Variants in SMYD4 observed in about 807,000 individuals in gnomAD.
The protein encoded by SMYD4 is SET and MYND domain containing 4, also known as protein-lysine N-methyltransferase SMYD4.
Under a neutral mutation model 72.8 loss-of-function variants are expected in SMYD4, and 68 were observed. The ratio of observed to expected loss-of-function variants is 0.93; its 90% CI spans 0.77 to 1.14. The LOEUF is 1.14. SMYD4 is among the 50% of genes most tolerant of loss of function. SMYD4 has a pLI of 0.00. For missense variants in SMYD4, 984 were observed against 1,003.7 expected (o/e 0.98, Z 0.27); for synonymous variants, 407 against 388.6 (o/e 1.05, Z -0.56).
At position 1,807,142 on chromosome 17, in the gene SMYD4, G is replaced by A. The variant is rs540935532; in HGVS notation, c.280-2427C>T. On this transcript the variant is annotated intron_variant, in intron 3 of 10. Transcript: ENST00000305513. ...TGACCTCAGGTGATCCACCCGTCTC[G>A]GTCTCCCAAAGTGCTGGGATTACAG... 1.4e-3 allele frequency among the ~76,000 whole-genome samples: 209 copies of A among 151,870 alleles called. 2 individuals are homozygous for A. The highest frequency in any genetic ancestry group is 4.7e-3 in the African/African-American group (196 of 41,394).
chr17:1,793,392 G>C (rs1243026799), intron 5 of SMYD4, among the ~76,000 whole-genome samples: 2 of 151,628 alleles, frequency 1.3e-5, no homozygotes, highest in Admixed American at 6.6e-5. Context: ...GCTCAGCTGA[G>C]TATTTTTTTT....
At chr17:1,794,013 ATATATATGTGTG>A (rs1909212496) in intron 5 of SMYD4, among the ~76,000 whole-genome samples, 2 of 101,004 alleles carry the variant, frequency 2.0e-5, no homozygotes, top group Admixed American at 1.0e-4. Flanking sequence ...ATATGTATAT[ATATATATGTGTG>A]TATATATATA....
chr17:1,784,555 C>T, intron 7 of SMYD4, 94 bp from the exon 8 acceptor site: 1 of 1,541,230 alleles, frequency 6.5e-7, no homozygotes, highest in African/African-American at 1.4e-5. Context: ...AGTTTCTTAC[C>T]TCATGGGGGA....
chr17:1,801,478 G>C (rs967449630), intron 4 of SMYD4, among the ~76,000 whole-genome samples: 3 of 151,428 alleles, frequency 2.0e-5, no homozygotes, highest in African/African-American at 7.3e-5. Flanking sequence ...CTGACCTCAT[G>C]ATACGCCCGC....
intron 3 of SMYD4, among the ~76,000 whole-genome samples, chr17:1,805,263 A>G (rs1909975777): frequency 6.6e-6 from 1 of 151,198 alleles, no homozygotes; most frequent in Non-Finnish European, 1.5e-5. Context: ...CTAAAAATAC[A>G]AAAAAATAGC....
intron 2 of SMYD4, among the ~76,000 whole-genome samples, chr17:1,825,953 G>GAAATTC (rs1911146798): frequency 6.6e-6 from 1 of 151,732 alleles, no homozygotes; most frequent in Non-Finnish European, 1.5e-5. Context: ...AATTTTAAAT[G>GAAATTC]AAATTTAAAA....
rs545056377 is a variant in SMYD4, at chr17:1,786,950, C to T, written c.1744G>A (p.Val582Ile). Residue 582 changes from valine (V) to isoleucine (I), a missense_variant, in exon 7 of 11, where the codon GTT (valine) becomes ATT (isoleucine). Physicochemically the swap from Val to Ile is conservative, Grantham distance 29. Coordinates refer to ENST00000305513, the MANE Select transcript of SMYD4 (RefSeq NM_052928.3). Reference sequence around the variant, plus strand: ...CTCAGCTTCTGCTGCCTTTCGGCAACCCCCATCCGGCTCTTGTGAGGCCCT... The same window carrying T: ...CTCAGCTTCTGCTGCCTTTCGGCAATCCCCATCCGGCTCTTGTGAGGCCCT... ...CYGPHKSRMG[V>I]AERQQKLRSQ... The T allele has an allele frequency of 1.2e-6, 2 of 1,613,946 alleles. No individual in the cohort carries two copies. Among genetic ancestry groups the T allele is most frequent in the South Asian group, 1.1e-5 (1 of 91,064 alleles).
intron 5 of SMYD4, among the ~76,000 whole-genome samples, chr17:1,798,929 A>G (rs1909551197): frequency 6.6e-6 from 1 of 151,626 alleles, no homozygotes; most frequent in Non-Finnish European, 1.5e-5. Context: ...GTAAAATAAA[A>G]AATAAATTTT....
chr17:1,807,420 C>G (rs555065084), intron 3 of SMYD4, among the ~76,000 whole-genome samples: 6 of 151,692 alleles, frequency 4.0e-5, no homozygotes, highest in South Asian at 2.1e-4. Context: ...CGCGTACCGC[C>G]CCCCCCGGCC....
chr17:1,790,764 C>T (rs867949660), intron 5 of SMYD4, among the ~76,000 whole-genome samples: 1 of 151,964 alleles, frequency 6.6e-6, no homozygotes, highest in Non-Finnish European at 1.5e-5. Flanking sequence ...ATCCACCCAC[C>T]TTGGCCTCCC....
Position 1,804,711 on chromosome 17 carries a change from A to C in SMYD4, c.284T>G (p.Val95Gly). 1 of 1,612,970 alleles carries C rather than the reference A, an allele frequency of 6.2e-7. No individual in the cohort carries two copies. The highest frequency in any genetic ancestry group is 2.2e-5 in the East Asian group (1 of 44,826). The change falls in exon 4 of 11, where the codon GTG becomes GGG. Residue 95 changes from valine to glycine, a missense_variant. Transcript: ENST00000305513. ...TGAAVLYSKG[V>G]SHSRPNTEDM... Reference sequence around the variant, plus strand: ...CTCAGTGTTAGGCCTTGAATGTGACACTCCCTGCAAAACAATGAACTGGTT... The same window carrying C: ...CTCAGTGTTAGGCCTTGAATGTGACCCTCCCTGCAAAACAATGAACTGGTT...
intron 7 of SMYD4, among the ~76,000 whole-genome samples, chr17:1,784,892 C>A (rs1908572055): frequency 6.6e-6 from 1 of 151,766 alleles, no homozygotes; most frequent in African/African-American, 2.4e-5. Context: ...GCCTCAGTCT[C>A]CCGAGTAGCT....
At chr17:1,819,847 G>A (rs148942186) in intron 2 of SMYD4, among the ~76,000 whole-genome samples, 9 of 152,290 alleles carry the variant, frequency 5.9e-5, no homozygotes, top group East Asian at 1.9e-4. Flanking sequence ...GAGTGCAGTG[G>A]CACGATCCTG....
At chr17:1,820,946 A>G (rs973531916) in intron 2 of SMYD4, among the ~76,000 whole-genome samples, 1 of 152,228 alleles carries the variant, frequency 6.6e-6, no homozygotes, top group African/African-American at 2.4e-5. Context: ...GTGATGGAAC[A>G]GAATTACAAA....
chr17:1,803,167 A>G (rs1023455863), intron 4 of SMYD4, among the ~76,000 whole-genome samples: 1 of 152,114 alleles, frequency 6.6e-6, no homozygotes, highest in Non-Finnish European at 1.5e-5. Context: ...AACAAAACAA[A>G]AACTCCACTG....
chr17:1,794,081 G>GTGTGTGTATATATATA (rs1454228796), intron 5 of SMYD4, among the ~76,000 whole-genome samples: 1 of 17,120 alleles, frequency 5.8e-5, no homozygotes, highest in Non-Finnish European at 1.1e-4. Flanking sequence ...ATATATATGT[G>GTGTGTGTATATATATA]TATATATATA....
chr17:1,794,035 A>AGTATATATATATATG (rs1909220884), intron 5 of SMYD4, among the ~76,000 whole-genome samples: 3 of 37,692 alleles, frequency 8.0e-5, no homozygotes, highest in African/African-American at 2.0e-4. Flanking sequence ...GTATATATAT[A>AGTATATATATATATG]TGTATGTATA....
At position 1,800,519 on chromosome 17, in the gene SMYD4, C is replaced by G. The variant is rs748971123; in HGVS notation, c.875G>C (p.Gly292Ala). 1.2e-6 allele frequency: 2 copies of G among 1,614,174 alleles called. No individual in the cohort carries two copies. The highest frequency in any genetic ancestry group is 1.1e-5 in the South Asian group (1 of 91,084). The part of the protein sequence containing the change: ...DSKWDTRVTN[G>A]DLYCHRCLKH... ...CAAACATCGGTGACAATAGAGGTCC[C>G]CATTGGTGACTCTGGTGTCCCATTT... is the stretch of plus-strand genomic sequence containing the variant. The change falls in exon 5 of 11, where the codon GGG (glycine) becomes GCG (alanine). Residue 292 changes from glycine (G) to alanine (A), a missense_variant. Transcript: ENST00000305513.
rs747374564 is a variant in SMYD4 at position 1,800,291 on chromosome 17, G to T, written c.1103C>A (p.Thr368Lys). The T allele has an allele frequency of 8.7e-6, 14 of 1,614,046 alleles. No homozygotes were observed. The South Asian group carries it at 1.4e-4, about 16-fold the overall frequency. The change falls in exon 5 of 11, where the codon ACG becomes AAG. Residue 368 changes from threonine (T) to lysine (K), a missense_variant. Thr to Lys is a moderately conservative substitution (Grantham distance 78). Transcript: ENST00000305513. Reference protein sequence around the residue: ...VGFEDVRKIITKLCDKISNKD... With the variant: ...VGFEDVRKIIKKLCDKISNKD... ...GTTACTAATCTTATCACAAAGCTTC[G>T]TTATGATTTTGCGAACATCCTCAAA...
Sources: gnomAD v4.1 joint callset for allele counts (sites outside exome capture counted in the v4.1 genomes callset) on GRCh38, gnomAD v4.1.1 for gene constraint, MANE v1.5 for transcripts, NCBI Gene and HGNC (gene_info 2026-07-23, HGNC 2026-07-21) for gene names.